The following KAT6A variants were observed in gnomAD, a reference collection of about 807,000 sequenced individuals.
KAT6A encodes lysine acetyltransferase 6A, also known as histone acetyltransferase KAT6A.
In KAT6A, 9 loss-of-function variants were observed where a neutral mutation model predicts 198.4. The observed-to-expected ratio is 0.05, with a 90% CI of 0.03 to 0.08. The LOEUF (loss-of-function observed/expected upper bound fraction) is 0.08. KAT6A is among the 10% of genes least tolerant of loss of function. KAT6A has a pLI of 1.00. For missense variants in KAT6A, 2,077 were observed against 2,509.9 expected (o/e 0.83, Z 3.69); for synonymous variants, 890 against 883.0 (o/e 1.01, Z -0.14).
chr8:42,002,277 C>T lies in KAT6A; in HGVS notation c.601-14714G>A, dbSNP rs530863260. Among the ~76,000 whole-genome samples, 3 of 152,344 alleles carry T rather than the reference C, an allele frequency of 2.0e-5. No homozygotes were observed. In the South Asian group the frequency reaches 6.2e-4, roughly 32 times the overall value. ...GCAGTCTGGCTCCAGAGCCTGCATTCTTCAACCTGATGTACTGTCTCTTTT... is the reference window on the plus strand; with the variant it reads ...GCAGTCTGGCTCCAGAGCCTGCATTTTTCAACCTGATGTACTGTCTCTTTT... On this transcript the variant is annotated intron_variant, in intron 2 of 16. Coordinates refer to ENST00000265713, the MANE Select transcript of KAT6A (RefSeq NM_006766.5).
intron 2 of KAT6A, among the ~76,000 whole-genome samples, chr8:42,028,324 T>C (rs1050843931): frequency 1.3e-5 from 2 of 152,184 alleles, no homozygotes; most frequent in African/African-American, 4.8e-5. Context: ...ATTCTGAGCG[T>C]GAAGTGTTGA....
intron 8 of KAT6A, among the ~76,000 whole-genome samples, chr8:41,968,911 TA>T (rs999147967): frequency 1.3e-5 from 2 of 152,164 alleles, no homozygotes; most frequent in African/African-American, 4.8e-5. Flanking sequence ...AATAATTTTT[TA>T]AAAAAATTAA....
chr8:41,958,652 A>G (rs1823044654), intron 8 of KAT6A, among the ~76,000 whole-genome samples: 1 of 152,246 alleles, frequency 6.6e-6, no homozygotes, highest in Non-Finnish European at 1.5e-5. Flanking sequence ...TTAGAAAAGT[A>G]TTAGTACATA....
At chr8:41,935,276 CT>C (rs1391191383) in intron 16 of KAT6A, among the ~76,000 whole-genome samples, 1 of 152,132 alleles carries the variant, frequency 6.6e-6, no homozygotes, top group African/African-American at 2.4e-5. Context: ...TACAAATTAG[CT>C]TATTTCCTCT....
At chr8:41,950,849 T>C (rs924276790) in intron 9 of KAT6A, among the ~76,000 whole-genome samples, 1 of 152,172 alleles carries the variant, frequency 6.6e-6, no homozygotes, top group Non-Finnish European at 1.5e-5. Context: ...CATCATGTTG[T>C]ACATGATAAA....
chr8:42,050,729 G>A (rs1802572872), intron 1 of KAT6A, among the ~76,000 whole-genome samples: 2 of 152,166 alleles, frequency 1.3e-5, no homozygotes, highest in Non-Finnish European at 2.9e-5. Context: ...AACTAAATGA[G>A]AAGCTACATC....
At chr8:42,050,429 C>T (rs1168896384) in intron 1 of KAT6A, among the ~76,000 whole-genome samples, 9 of 152,142 alleles carry the variant, frequency 5.9e-5, no homozygotes, top group Non-Finnish European at 1.3e-4. Context: ...ATTTGCATTA[C>T]AATATAAACA....
chr8:42,027,976 T>A (rs1429324990), intron 2 of KAT6A, among the ~76,000 whole-genome samples: 1 of 152,194 alleles, frequency 6.6e-6, no homozygotes, highest in Non-Finnish European at 1.5e-5. Context: ...AGAAATTTTT[T>A]TTATTTCATT....
chr8:42,041,192 CAAAAAAAAAA>C (rs10595164), intron 2 of KAT6A, among the ~76,000 whole-genome samples: 200 of 88,870 alleles, frequency 2.3e-3, no homozygotes, highest in Non-Finnish European at 3.6e-3. Flanking sequence ...GATTCCGTCT[CAAAAAAAAAA>C]AAAAAAAAAA....
intron 10 of KAT6A, among the ~76,000 whole-genome samples, chr8:41,948,210 T>C (rs1376730799): frequency 6.6e-6 from 1 of 152,224 alleles, no homozygotes; most frequent in African/African-American, 2.4e-5. Flanking sequence ...AGATGAATTG[T>C]AGCAATCCTT....
At chr8:42,044,186 C>T (rs1306623924) in intron 2 of KAT6A, among the ~76,000 whole-genome samples, 4 of 151,284 alleles carry the variant, frequency 2.6e-5, no homozygotes, top group Admixed American at 2.6e-4. Flanking sequence ...CTACAACCTC[C>T]GCCTCCTGGG....
intron 8 of KAT6A, among the ~76,000 whole-genome samples, chr8:41,956,762 C>G (rs575017940): frequency 6.6e-6 from 1 of 152,126 alleles, no homozygotes; most frequent in African/African-American, 2.4e-5. Flanking sequence ...CCTCCAAATA[C>G]AAAACCAAAA....
At chr8:42,035,867 C>T (rs1037943351) in intron 2 of KAT6A, among the ~76,000 whole-genome samples, 12 of 152,006 alleles carry the variant, frequency 7.9e-5, no homozygotes, top group African/African-American at 7.2e-5. Context: ...TTTACTCTAA[C>T]GGGAGAGTCT....
chr8:42,042,620 AAG>A (rs1827721162), intron 2 of KAT6A, among the ~76,000 whole-genome samples: 1 of 152,232 alleles, frequency 6.6e-6, no homozygotes, highest in African/African-American at 2.4e-5. Context: ...AGTAGAAGGC[AAG>A]AGATTTATCA....
intron 8 of KAT6A, among the ~76,000 whole-genome samples, chr8:41,967,545 T>G (rs1158254721): frequency 6.7e-6 from 1 of 149,274 alleles, no homozygotes; most frequent in Admixed American, 6.8e-5. Flanking sequence ...GAATATGCAG[T>G]GTTTGGTTTT....
At chr8:42,040,603 C>T (rs950397598) in intron 2 of KAT6A, among the ~76,000 whole-genome samples, 2 of 151,384 alleles carry the variant, frequency 1.3e-5, no homozygotes, top group Non-Finnish European at 2.9e-5. Context: ...GGCGTGGTGG[C>T]GGGTGCATGT....
intron 2 of KAT6A, among the ~76,000 whole-genome samples, chr8:41,991,256 G>C (rs543803426): frequency 3.3e-5 from 5 of 152,090 alleles, no homozygotes; most frequent in Non-Finnish European, 7.4e-5. Flanking sequence ...CAAATAATTA[G>C]GTGGTTAAAC....
chr8:42,049,045 T>C lies in KAT6A; in HGVS notation c.-68A>G. 4.0e-6 allele frequency: 6 copies of C among 1,488,302 alleles called. No homozygotes were observed. Among genetic ancestry groups the C allele is most frequent in the South Asian group, 3.9e-5 (3 of 76,494 alleles). The allele number at this position is 1,488,302 out of a possible 1,614,324, so 92.2% of individuals were successfully genotyped here. ...CTGATGCTGAGTAAGTTTTACACCATGGAAAACAAGATTCTCGGAGGCTGG... is the reference window on the plus strand; with the variant it reads ...CTGATGCTGAGTAAGTTTTACACCACGGAAAACAAGATTCTCGGAGGCTGG... On this transcript the variant is annotated 5_prime_UTR_variant, in exon 2 of 17. It removes an upstream start codon present in the reference 5' UTR. Coordinates refer to ENST00000265713, the MANE Select transcript of KAT6A (RefSeq NM_006766.5).
rs1170179808 is a variant in KAT6A, at chr8:42,008,823, A to T, written c.601-21260T>A. 3.3e-5 allele frequency among the ~76,000 whole-genome samples: 5 copies of T among 152,274 alleles called. No homozygotes were observed. The East Asian group carries it at 7.7e-4, about 23-fold the overall frequency. ...CATTACTTTAACTTTAATTAATTTA[A>T]ATTTAAATAGCTACATGCACCTAAT... On this transcript the variant is annotated intron_variant, in intron 2 of 16. Transcript: ENST00000265713.
Sources: allele counts gnomAD v4.1 joint callset (sites outside exome capture counted in the v4.1 genomes callset), GRCh38; gene constraint gnomAD v4.1.1; transcripts MANE v1.5; gene names NCBI Gene and HGNC (gene_info 2026-07-23, HGNC 2026-07-21).